Variants in SCN8A observed in about 807,000 individuals in gnomAD.
The protein encoded by SCN8A is sodium channel protein type 8 subunit alpha.
Under a neutral mutation model 184.1 loss-of-function variants are expected in SCN8A, and 30 were observed. The ratio of observed to expected loss-of-function variants is 0.16; its 90% CI spans 0.12 to 0.22. The LOEUF (loss-of-function observed/expected upper bound fraction) is 0.22. SCN8A is among the 10% of genes least tolerant of loss of function. The probability of loss-of-function intolerance (pLI) is 1.00; values close to 1 mark genes in which losing one functional copy is unlikely to be tolerated. For missense variants in SCN8A, 1,057 were observed against 2,498.9 expected, an observed-to-expected ratio of 0.42 and a Z score of 12.30; for synonymous variants, 852 against 907.0, an observed-to-expected ratio of 0.94 and a Z score of 1.09.
intron 20 of SCN8A, among the ~76,000 whole-genome samples, chr12:51,777,867 G>T (rs1237121366): frequency 1.3e-5 from 2 of 152,192 alleles, no homozygotes; most frequent in Admixed American, 1.3e-4. Context: ...TGACCCAGGG[G>T]ACTGTTGAGT....
At chr12:51,611,216 GTC>G (rs1939712886) in intron 1 of SCN8A, among the ~76,000 whole-genome samples, 1 of 148,052 alleles carries the variant, frequency 6.8e-6, no homozygotes, top group Non-Finnish European at 1.5e-5. Flanking sequence ...TTGAGACAGA[GTC>G]TCTCTGTCGC....
At chr12:51,793,862 AGGCCAGGCATGAT>A (rs1938335200) in intron 25 of SCN8A, among the ~76,000 whole-genome samples, 1 of 149,236 alleles carries the variant, frequency 6.7e-6, no homozygotes, top group South Asian at 2.1e-4. Context: ...ACAGAAAGAA[AGGCCAGGCATGAT>A]GGCTCACACC....
chr12:51,745,667 T>A (rs1469600338), intron 12 of SCN8A, among the ~76,000 whole-genome samples: 1 of 152,188 alleles, frequency 6.6e-6, no homozygotes, highest in Non-Finnish European at 1.5e-5. Context: ...CCAGCCAGAT[T>A]CTTGGGGTCA....
At chr12:51,672,670 A>T (rs1256013973) in intron 2 of SCN8A, among the ~76,000 whole-genome samples, 1 of 152,140 alleles carries the variant, frequency 6.6e-6, no homozygotes. Flanking sequence ...CCCACAGGTT[A>T]CTCAGTATAT....
At chr12:51,594,596 A>G (rs189964446) in intron 1 of SCN8A, among the ~76,000 whole-genome samples, 4 of 152,332 alleles carry the variant, frequency 2.6e-5, no homozygotes, top group African/African-American at 4.8e-5. Context: ...GCTATACTAT[A>G]TAGAAAGCGT....
At chr12:51,691,986 C>T (rs1263025659) in intron 6 of SCN8A, among the ~76,000 whole-genome samples, 1 of 152,164 alleles carries the variant, frequency 6.6e-6, no homozygotes, top group African/African-American at 2.4e-5. Flanking sequence ...TGGGCCATCT[C>T]TTGCTTGGAA....
chr12:51,778,341 A>G (rs961657814), intron 20 of SCN8A, among the ~76,000 whole-genome samples: 15 of 152,048 alleles, frequency 9.9e-5, no homozygotes, highest in African/African-American at 3.4e-4. Context: ...TTGGAGTGCA[A>G]TGGCACCATC....
intron 20 of SCN8A, 121 bp downstream of exon 20, chr12:51,774,483 G>C: frequency 1.1e-6 from 1 of 916,892 alleles, no homozygotes; most frequent in South Asian, 1.9e-5. Flanking sequence ...GTAGATGTAG[G>C]TGTGGGTAAA....
chr12:51,702,412 T>C (rs1289323603), intron 8 of SCN8A, among the ~76,000 whole-genome samples: 2 of 152,016 alleles, frequency 1.3e-5, no homozygotes, highest in Admixed American at 6.6e-5. Flanking sequence ...CACATTGATA[T>C]GAATCTAGAA....
intron 14 of SCN8A, among the ~76,000 whole-genome samples, chr12:51,753,347 G>T (rs1240297309): frequency 1.3e-5 from 2 of 152,262 alleles, no homozygotes; most frequent in East Asian, 1.9e-4. Context: ...TAAAAGGAAA[G>T]AAATCAAGAA....
chr12:51,800,603 C>G (rs1938530615), intron 26 of SCN8A, among the ~76,000 whole-genome samples: 1 of 152,236 alleles, frequency 6.6e-6, no homozygotes, highest in Non-Finnish European at 1.5e-5. Context: ...CTAAGTATGT[C>G]TGTGTCAATT....
At chr12:51,742,093 C>T (rs929445685) in intron 12 of SCN8A, among the ~76,000 whole-genome samples, 2 of 151,146 alleles carry the variant, frequency 1.3e-5, no homozygotes, top group Non-Finnish European at 3.0e-5. Flanking sequence ...TACACTTTAA[C>T]TTCATCCCTC....
chr12:51,770,058 T>G, intron 18 of SCN8A, 73 bp downstream of exon 18: 3 of 1,082,042 alleles, frequency 2.8e-6, no homozygotes, highest in Non-Finnish European at 4.1e-6. Context: ...CCAGGGCTAG[T>G]GGTGGGTGAG....
At chr12:51,671,254 G>A (rs1941125259) in intron 2 of SCN8A, among the ~76,000 whole-genome samples, 1 of 152,164 alleles carries the variant, frequency 6.6e-6, no homozygotes, top group African/African-American at 2.4e-5. Context: ...TGAGCTATTG[G>A]GGTGCTTACA....
intron 2 of SCN8A, among the ~76,000 whole-genome samples, chr12:51,678,662 G>A (rs1188497106): frequency 6.6e-6 from 1 of 152,184 alleles, no homozygotes; most frequent in African/African-American, 2.4e-5. Context: ...AAATGTTTTA[G>A]CACATGACCT....
chr12:51,620,993 A>C (rs1939949593), intron 1 of SCN8A, among the ~76,000 whole-genome samples: 1 of 152,136 alleles, frequency 6.6e-6, no homozygotes, highest in Non-Finnish European at 1.5e-5. Context: ...TCTCAAAAAA[A>C]CGTGGGGCCT....
rs1942887434 is a variant in SCN8A, at chr12:51,769,299, T to A, written c.3336T>A (p.Asp1112Glu). The change falls in exon 17 of 27, where the codon GAT becomes GAA. Residue 1112 changes from aspartate to glutamate, a missense_variant. Asp to Glu is a conservative substitution (Grantham distance 45). Coordinates refer to ENST00000627620, the MANE Select transcript of SCN8A (RefSeq NM_001330260.2). ...ESDFENLNTE[D>E]VSSESDPEGS... is the part of the protein sequence containing the mutation. ...ACTTTGAGAACCTCAACACAGAGGA[T>A]GTTAGCAGCGAGTCGGATCCTGAAG... 1 of 1,602,524 alleles carries A rather than the reference T, an allele frequency of 6.2e-7. No individual in the cohort carries two copies. The highest frequency in any genetic ancestry group is 8.5e-7 in the Non-Finnish European group (1 of 1,171,012).
intron 14 of SCN8A, among the ~76,000 whole-genome samples, chr12:51,756,776 AG>A (rs1942681447): frequency 6.6e-6 from 1 of 152,200 alleles, no homozygotes; most frequent in Non-Finnish European, 1.5e-5. Flanking sequence ...ACTGGGCAGC[AG>A]CCTCCCTCTA....
At chr12:51,630,429 G>C (rs1189642038) in intron 1 of SCN8A, among the ~76,000 whole-genome samples, 1 of 152,066 alleles carries the variant, frequency 6.6e-6, no homozygotes, top group Non-Finnish European at 1.5e-5. Context: ...CGATGTTGTA[G>C]CATGTGTCAT....
Sources: allele counts gnomAD v4.1 joint callset (sites outside exome capture counted in the v4.1 genomes callset), GRCh38; gene constraint gnomAD v4.1.1; transcripts MANE v1.5; gene names NCBI Gene and HGNC (gene_info 2026-07-23, HGNC 2026-07-21).